The following CLVS1 variants were observed in gnomAD, a reference collection of about 807,000 sequenced individuals.
The protein encoded by CLVS1 is clavesin-1.
CLVS1 carries 10 observed loss-of-function variants against 33.1 expected under a neutral mutation model. That is an observed-to-expected ratio of 0.30 (90% CI 0.19 to 0.51). The LOEUF is 0.51. Ranked by LOEUF, CLVS1 falls within the 20% of genes least tolerant of loss-of-function variation. CLVS1 has a pLI of 0.97. For missense variants in CLVS1, 343 were observed against 433.4 expected, an observed-to-expected ratio of 0.79 and a Z score of 1.85; for synonymous variants, 163 against 166.1, an observed-to-expected ratio of 0.98 and a Z score of 0.14.
intron 2 of CLVS1, among the ~76,000 whole-genome samples, chr8:61,251,206 A>G (rs1401393317): frequency 6.6e-6 from 1 of 151,978 alleles, no homozygotes; most frequent in East Asian, 1.9e-4. Flanking sequence ...TGTTTATGTG[A>G]TGGGTTATGT....
At chr8:61,063,537 A>G (rs575004935) in intron 1 of CLVS1, among the ~76,000 whole-genome samples, 1 of 152,296 alleles carries the variant, frequency 6.6e-6, no homozygotes, top group East Asian at 1.9e-4. Context: ...ACAGGCTTCA[A>G]GAAGGATGGA....
At chr8:61,198,722 C>T (rs908921017) in intron 2 of CLVS1, among the ~76,000 whole-genome samples, 1 of 152,156 alleles carries the variant, frequency 6.6e-6, no homozygotes, top group South Asian at 2.1e-4. Context: ...CGCCTTCCCT[C>T]CTCCCTTCTT....
At chr8:61,235,341 A>G (rs1429136231) in intron 2 of CLVS1, among the ~76,000 whole-genome samples, 1 of 152,222 alleles carries the variant, frequency 6.6e-6, no homozygotes, top group East Asian at 1.9e-4. Flanking sequence ...AGTGAGCTAC[A>G]TGGAAATGCT....
chr8:61,234,348 C>A (rs1241831827), intron 2 of CLVS1, among the ~76,000 whole-genome samples: 1 of 152,154 alleles, frequency 6.6e-6, no homozygotes, highest in Non-Finnish European at 1.5e-5. Flanking sequence ...GAGGCTGTAT[C>A]CCCTTGATAC....
chr8:61,287,853 A>G (rs1052444838), upstream of CLVS1: 2 of 336,810 alleles, frequency 5.9e-6, no homozygotes, highest in Non-Finnish European at 1.2e-5. Context: ...TGTTAACAAA[A>G]TTACAAATAA....
chr8:61,406,616 T>TG (rs1449241660), intron 3 of CLVS1, among the ~76,000 whole-genome samples: 3 of 149,432 alleles, frequency 2.0e-5, no homozygotes, highest in African/African-American at 7.6e-5. Context: ...TTGTTTTTTT[T>TG]GTGGGGGGGG....
intron 2 of CLVS1, among the ~76,000 whole-genome samples, chr8:61,366,346 CT>C (rs1328429399): frequency 1.3e-5 from 2 of 152,192 alleles, no homozygotes; most frequent in Non-Finnish European, 2.9e-5. Context: ...TTGTTATTCA[CT>C]GTTCTTGACT....
chr8:61,240,942 C>T (rs1437174540), intron 2 of CLVS1, among the ~76,000 whole-genome samples: 2 of 139,976 alleles, frequency 1.4e-5, no homozygotes, highest in Non-Finnish European at 3.0e-5. Flanking sequence ...TCCATACAAG[C>T]TGCTATAACA....
intron 1 of CLVS1, among the ~76,000 whole-genome samples, chr8:61,085,483 A>G (rs1449911611): frequency 1.3e-5 from 2 of 152,156 alleles, no homozygotes; most frequent in Non-Finnish European, 2.9e-5. Flanking sequence ...CAGCCTCTCA[A>G]TCTATGATTA....
At chr8:61,369,270 T>G (rs967406302) in intron 2 of CLVS1, among the ~76,000 whole-genome samples, 1 of 152,220 alleles carries the variant, frequency 6.6e-6, no homozygotes, top group Non-Finnish European at 1.5e-5. Flanking sequence ...GCCAAACATT[T>G]TTCATTAGCA....
At chr8:61,131,376 T>A (rs1806096066) in intron 1 of CLVS1, among the ~76,000 whole-genome samples, 1 of 151,776 alleles carries the variant, frequency 6.6e-6, no homozygotes, top group Admixed American at 6.6e-5. Flanking sequence ...ATATGAAGAG[T>A]TTGCGGAGTC....
At chr8:61,396,118 C>G (rs1814519164) in intron 3 of CLVS1, among the ~76,000 whole-genome samples, 1 of 152,150 alleles carries the variant, frequency 6.6e-6, no homozygotes, top group Non-Finnish European at 1.5e-5. Flanking sequence ...CCATCCTTTT[C>G]ACTTTATCCC....
intron 2 of CLVS1, among the ~76,000 whole-genome samples, chr8:61,252,674 C>T (rs891707842): frequency 6.6e-6 from 1 of 152,108 alleles, no homozygotes; most frequent in Admixed American, 6.6e-5. Context: ...TTATGTAATG[C>T]CCTTCTTTGT....
chr8:61,328,299 A>G (rs536967807), intron 2 of CLVS1, among the ~76,000 whole-genome samples: 4 of 152,286 alleles, frequency 2.6e-5, no homozygotes, highest in South Asian at 4.1e-4. Context: ...AGAGTGTGGG[A>G]TCCCAGCTAA....
chr8:61,473,551 T>C (rs1013508365), intron 5 of CLVS1, among the ~76,000 whole-genome samples: 13 of 152,116 alleles, frequency 8.5e-5, no homozygotes, highest in African/African-American at 2.4e-4. Context: ...ATTTTCACTC[T>C]GTTGTGAGGA....
intron 2 of CLVS1, among the ~76,000 whole-genome samples, chr8:61,172,666 G>T (rs1158461044): frequency 2.0e-5 from 3 of 152,086 alleles, no homozygotes; most frequent in Admixed American, 1.3e-4. Flanking sequence ...GCTGCCATAC[G>T]AATCTTTAAA....
intron 2 of CLVS1, among the ~76,000 whole-genome samples, chr8:61,368,007 G>A (rs183190699): frequency 5.5e-4 from 84 of 152,328 alleles, no homozygotes; most frequent in African/African-American, 1.9e-3. Flanking sequence ...AAATTTTGAA[G>A]TGAAGAAATA....
At chr8:61,212,666 T>A (rs977494325) in intron 2 of CLVS1, among the ~76,000 whole-genome samples, 1 of 152,182 alleles carries the variant, frequency 6.6e-6, no homozygotes, top group Non-Finnish European at 1.5e-5. Context: ...GTGGTGTCAA[T>A]GGAGAGAAAA....
chr8:61,265,687 AAGT>A (rs1563469106), intron 2 of CLVS1, among the ~76,000 whole-genome samples: 1 of 152,100 alleles, frequency 6.6e-6, no homozygotes. Flanking sequence ...TTCTCTGTTG[AAGT>A]CCTGGATACT....
Sources: allele counts gnomAD v4.1 joint callset (sites outside exome capture counted in the v4.1 genomes callset), GRCh38; gene constraint gnomAD v4.1.1; transcripts MANE v1.5; gene names NCBI Gene and HGNC (gene_info 2026-07-23, HGNC 2026-07-21).